Variants in GPATCH1 observed in about 807,000 individuals in gnomAD.
The protein encoded by GPATCH1 is G patch domain-containing protein 1.
A neutral mutation model predicts 114.9 loss-of-function variants in GPATCH1; 73 were observed. That is an observed-to-expected ratio of 0.64 (90% confidence interval 0.53 to 0.77). The LOEUF (loss-of-function observed/expected upper bound fraction) is 0.77. Ranked by LOEUF, GPATCH1 falls within the 30% of genes least tolerant of loss-of-function variation. GPATCH1 has a pLI of 0.00. For missense variants in GPATCH1, 1,058 were observed against 1,144.3 expected (o/e 0.92, Z 1.09); for synonymous variants, 391 against 428.4 (o/e 0.91, Z 1.08).
intron 17 of GPATCH1, among the ~76,000 whole-genome samples, chr19:33,121,734 T>G (rs1029168382): frequency 2.6e-5 from 4 of 152,200 alleles, no homozygotes; most frequent in African/African-American, 9.7e-5. Context: ...CAACTTCCAT[T>G]TAGTTGCATC....
chr19:33,106,596 G>A, intron 9 of GPATCH1, 99 bp from the exon 10 acceptor site: 1 of 924,750 alleles, frequency 1.1e-6, no homozygotes. Flanking sequence ...ACCCGGGAAG[G>A]GGCGGGGTTA....
chr19:33,121,375 A>C (rs1189201053), intron 17 of GPATCH1, among the ~76,000 whole-genome samples: 1 of 141,344 alleles, frequency 7.1e-6, no homozygotes, highest in Non-Finnish European at 1.5e-5. Flanking sequence ...GCTGGAGTGC[A>C]ATGGCGCAAT....
intron 9 of GPATCH1, among the ~76,000 whole-genome samples, chr19:33,103,668 G>A (rs953731555): frequency 2.7e-5 from 4 of 150,342 alleles, no homozygotes; most frequent in African/African-American, 4.9e-5. Context: ...GCCACTGCAC[G>A]TCTAGCCTGG....
At chr19:33,121,610 C>T (rs1410005923) in intron 17 of GPATCH1, among the ~76,000 whole-genome samples, 1 of 152,056 alleles carries the variant, frequency 6.6e-6, no homozygotes, top group Admixed American at 6.6e-5. Flanking sequence ...TGAGCCACCG[C>T]ACCCGGCCGC....
At chr19:33,083,693 C>T (rs933675388) in intron 1 of GPATCH1, among the ~76,000 whole-genome samples, 13 of 152,136 alleles carry the variant, frequency 8.5e-5, no homozygotes, top group African/African-American at 3.1e-4. Context: ...TTGCATGTGG[C>T]CCCCAACCTT....
intron 19 of GPATCH1, among the ~76,000 whole-genome samples, chr19:33,128,517 C>T (rs1431097790): frequency 6.6e-6 from 1 of 152,154 alleles, no homozygotes; most frequent in Non-Finnish European, 1.5e-5. Flanking sequence ...GCCTTGGCCT[C>T]CCAAAGTGCC....
intron 11 of GPATCH1, 66 bp from the exon 12 acceptor site, chr19:33,111,658 A>T (rs1972855220): frequency 4.3e-6 from 6 of 1,410,278 alleles, no homozygotes. Context: ...TGCCCAGCAG[A>T]TGTTCTCTTG....
intron 3 of GPATCH1, 122 bp from the exon 4 acceptor site, chr19:33,093,237 C>T: frequency 1.6e-6 from 1 of 615,578 alleles, no homozygotes; most frequent in East Asian, 2.8e-5. Flanking sequence ...GTCTGTCACT[C>T]TGCTGATCCA....
chr19:33,109,990 T>C lies in GPATCH1; in HGVS notation c.1559T>C (p.Leu520Ser), dbSNP rs16967805. Residue 520 changes from leucine (L) to serine (S), a missense_variant, in exon 11 of 20, where the codon TTA (leucine) becomes TCA (serine). This residue lies in a region of GPATCH1 where 893 missense variants were observed against 977.4 expected (regional missense o/e 0.91). Coordinates refer to ENST00000170564, the MANE Select transcript of GPATCH1 (RefSeq NM_018025.3). The part of the protein sequence containing the change: ...PEKQKRYDEF[L>S]VHMKQGQKDA... ...AAGCAAAAGCGATACGACGAGTTCT[T>C]AGTACACATGAAACAGGGTCAGAAA... The C allele has an allele frequency of 5.1e-4, 818 of 1,612,292 alleles. 4 individuals are homozygous for C. In the African/African-American group the frequency reaches 9.4e-3, roughly 18 times the overall value.
chr19:33,097,009 G>C (rs944229046), intron 7 of GPATCH1, among the ~76,000 whole-genome samples: 1 of 150,122 alleles, frequency 6.7e-6, no homozygotes, highest in Admixed American at 6.7e-5. Flanking sequence ...GCAATGGCGC[G>C]ATCTCGGCTC....
intron 17 of GPATCH1, among the ~76,000 whole-genome samples, chr19:33,120,275 T>TATATATAAAAATTAGATAAA (rs1555721447): frequency 5.0e-5 from 7 of 140,508 alleles, no homozygotes; most frequent in Admixed American, 2.2e-4. Context: ...ATATAACAAT[T>TATATATAAAAATTAGATAAA]ATATATAAAA....
chr19:33,091,466 A>G (rs1237702204), intron 3 of GPATCH1, among the ~76,000 whole-genome samples: 1 of 151,096 alleles, frequency 6.6e-6, no homozygotes, highest in Non-Finnish European at 1.5e-5. Context: ...TCAAAAGCTC[A>G]GTATCCATGG....
chr19:33,111,978 T>A, intron 12 of GPATCH1, 76 bp downstream of exon 12: 6 of 1,169,826 alleles, frequency 5.1e-6, no homozygotes, highest in Non-Finnish European at 7.4e-6. Context: ...TTTTTTCCTT[T>A]TTTTTGAGAC....
chr19:33,121,288 CT>C (rs1215302151), intron 17 of GPATCH1, among the ~76,000 whole-genome samples: 1 of 94,298 alleles, frequency 1.1e-5, no homozygotes, highest in Non-Finnish European at 1.9e-5. Context: ...GCCAAGCCTC[CT>C]TTTTTTGTCT....
intron 6 of GPATCH1, among the ~76,000 whole-genome samples, 188 bp from the exon 7 acceptor site, chr19:33,096,019 G>C (rs1334109322): frequency 2.6e-5 from 4 of 152,182 alleles, no homozygotes; most frequent in African/African-American, 9.6e-5. Flanking sequence ...GGTCTGTTCA[G>C]CTTCATAAAA....
intron 9 of GPATCH1, 49 bp downstream of exon 9, chr19:33,101,623 A>G (rs373570798): frequency 1.3e-5 from 12 of 907,322 alleles, no homozygotes; most frequent in Non-Finnish European, 2.1e-5. Flanking sequence ...AGTTCTTAAA[A>G]TATTTGCTGC....
chr19:33,114,453 T>C, intron 15 of GPATCH1, 34 bp downstream of exon 15: 1 of 1,524,902 alleles, frequency 6.6e-7, no homozygotes, highest in Non-Finnish European at 8.9e-7. Flanking sequence ...TTTGCCACGC[T>C]GAGTGTGGCC....
chr19:33,093,822 C>T (rs886640412), intron 4 of GPATCH1, among the ~76,000 whole-genome samples: 2 of 152,208 alleles, frequency 1.3e-5, no homozygotes, highest in African/African-American at 4.8e-5. Context: ...CTTCTACCCT[C>T]ACTTTCTGTG....
At chr19:33,122,450 A>T (rs889237396) in intron 17 of GPATCH1, among the ~76,000 whole-genome samples, 1 of 150,738 alleles carries the variant, frequency 6.6e-6, no homozygotes, top group Non-Finnish European at 1.5e-5. Flanking sequence ...TCAGCCTCCC[A>T]ACTAGCTGGG....
Sources: gnomAD v4.1 joint callset for allele counts (sites outside exome capture counted in the v4.1 genomes callset) on GRCh38, gnomAD v4.1.1 for gene constraint, gnomAD v4.1.1 regional missense constraint, MANE v1.5 for transcripts, NCBI Gene and HGNC (gene_info 2026-07-23, HGNC 2026-07-21) for gene names.